EPYC: variants seen among roughly 807,000 people sequenced by gnomAD.
EPYC encodes epiphycan.
In EPYC, 28 loss-of-function variants were observed where a neutral mutation model predicts 30.1. The observed-to-expected ratio is 0.93, with a 90% CI of 0.69 to 1.28. The LOEUF (loss-of-function observed/expected upper bound fraction) is 1.28. EPYC is among the 50% of genes most tolerant of loss of function. The pLI is 0.00. For synonymous variants in EPYC, 144 were observed against 141.4 expected, an observed-to-expected ratio of 1.02 and a Z score of -0.13; for missense variants, 382 against 383.5, an observed-to-expected ratio of 1.00 and a Z score of 0.03.
At chr12:90,994,084 T>A (rs1159044004) in intron 2 of EPYC, among the ~76,000 whole-genome samples, 1 of 152,170 alleles carries the variant, frequency 6.6e-6, no homozygotes, top group African/African-American at 2.4e-5. Context: ...AAAATACTTA[T>A]AAGACTACTA....
intron 2 of EPYC, among the ~76,000 whole-genome samples, chr12:90,981,400 T>C (rs1877321959): frequency 6.6e-6 from 1 of 152,144 alleles, no homozygotes; most frequent in South Asian, 2.1e-4. Flanking sequence ...TTGTATCAGA[T>C]TGAACTGGGA....
At chr12:91,002,326 T>G in intron 2 of EPYC, 75 bp downstream of exon 2, 1 of 1,291,656 alleles carries the variant, frequency 7.7e-7, no homozygotes, top group South Asian at 1.5e-5. Flanking sequence ...CCCAAACATC[T>G]ATTTGAGGAA....
At chr12:90,966,809 A>C (rs1293045020) in intron 6 of EPYC, among the ~76,000 whole-genome samples, 1 of 152,124 alleles carries the variant, frequency 6.6e-6, no homozygotes, top group Non-Finnish European at 1.5e-5. Flanking sequence ...AAGTTAATAT[A>C]TTTGCTTATT....
intron 2 of EPYC, among the ~76,000 whole-genome samples, chr12:90,978,573 C>A (rs1877252308): frequency 6.7e-6 from 1 of 148,384 alleles, no homozygotes; most frequent in South Asian, 2.1e-4. Flanking sequence ...TTATTGTTTT[C>A]TAATAATAAG....
At chr12:90,970,497 T>C (rs1330902602) in intron 5 of EPYC, among the ~76,000 whole-genome samples, 1 of 152,198 alleles carries the variant, frequency 6.6e-6, no homozygotes, top group African/African-American at 2.4e-5. Flanking sequence ...TGATGAGGCA[T>C]AGCAAGCATT....
rs768251066 is a variant in EPYC, at chr12:90,964,132, C to T, written c.*24G>A. 13 of 1,595,560 alleles carry T rather than the reference C, an allele frequency of 8.1e-6. No homozygotes were observed. Among genetic ancestry groups the T allele is most frequent in the Non-Finnish European group, 1.1e-5 (13 of 1,166,906 alleles). ...AGAATGGTTTATTTATAGTAGCCAT[C>T]GTAATGCTAACCATTATCTGAAATT... On this transcript the variant is annotated 3_prime_UTR_variant, in exon 7 of 7. Transcript: ENST00000261172.
At chr12:90,966,483 C>T (rs913552265) in intron 6 of EPYC, among the ~76,000 whole-genome samples, 14 of 151,918 alleles carry the variant, frequency 9.2e-5, no homozygotes, top group Non-Finnish European at 1.2e-4. Flanking sequence ...TTTCTGCAAT[C>T]CCATTTGGTC....
chr12:91,001,300 T>C (rs1877817611), intron 2 of EPYC, among the ~76,000 whole-genome samples: 1 of 152,120 alleles, frequency 6.6e-6, no homozygotes, highest in African/African-American at 2.4e-5. Flanking sequence ...AATATACGAT[T>C]TCATCTAAAT....
intron 3 of EPYC, among the ~76,000 whole-genome samples, chr12:90,975,472 G>T (rs1271089659): frequency 1.3e-5 from 2 of 151,762 alleles, no homozygotes; most frequent in South Asian, 4.2e-4. Flanking sequence ...ATGAATGTGT[G>T]CCTCTTCTTT....
chr12:90,969,266 T>A (rs1410053738), intron 6 of EPYC, among the ~76,000 whole-genome samples: 1 of 151,914 alleles, frequency 6.6e-6, no homozygotes, highest in Admixed American at 6.6e-5. Flanking sequence ...ATGGGTGTTT[T>A]CTCTATATAT....
At chr12:90,988,104 C>A (rs1877496052) in intron 2 of EPYC, among the ~76,000 whole-genome samples, 1 of 151,992 alleles carries the variant, frequency 6.6e-6, no homozygotes, top group Non-Finnish European at 1.5e-5. Flanking sequence ...ATGAGGATAC[C>A]ATTGTTCCTA....
intron 2 of EPYC, among the ~76,000 whole-genome samples, chr12:90,989,206 A>T (rs1242403566): frequency 1.3e-5 from 2 of 152,122 alleles, no homozygotes; most frequent in African/African-American, 4.8e-5. Context: ...ATTAGAAAAA[A>T]TAAAAGCATA....
chr12:90,971,892 T>G lies in EPYC; in HGVS notation c.610A>C (p.Arg204=), dbSNP rs1395156282. The change falls in exon 5 of 7, where the codon AGG becomes CGG. Residue 204 remains arginine, a synonymous_variant. Transcript: ENST00000261172. ...GTGGTTGGCAATTCTGGGAGCTGCC[T>G]TATTTTGTTGTCACGCAGGACAAGC... ...RELVLRDNKI[R]QLPELPTTLT... The G allele has an allele frequency of 6.2e-7, 1 of 1,612,220 alleles. No homozygotes were observed. The highest frequency in any genetic ancestry group is 8.5e-7 in the Non-Finnish European group (1 of 1,179,232).
intron 2 of EPYC, among the ~76,000 whole-genome samples, chr12:91,000,197 T>C (rs1653185556): frequency 6.6e-6 from 1 of 152,046 alleles, no homozygotes; most frequent in Admixed American, 6.6e-5. Flanking sequence ...GATCCCTCAC[T>C]CACTGAGTAT....
At chr12:90,968,985 A>G (rs951924142) in intron 6 of EPYC, among the ~76,000 whole-genome samples, 7 of 151,406 alleles carry the variant, frequency 4.6e-5, no homozygotes, top group African/African-American at 1.7e-4. Flanking sequence ...CAGATATCCA[A>G]GACACAGACA....
At chr12:90,985,063 A>T (rs1032802960) in intron 2 of EPYC, among the ~76,000 whole-genome samples, 3 of 152,160 alleles carry the variant, frequency 2.0e-5, no homozygotes, top group African/African-American at 4.8e-5. Context: ...CTTTAGCTGC[A>T]GCCTGAGAGT....
In EPYC at chr12:90,988,695, T is replaced by C. The variant is rs368075575; in HGVS notation, c.166-10433A>G. Among the ~76,000 whole-genome samples the C allele has an allele frequency of 2.5e-4, 38 of 152,276 alleles. 1 individual carries two copies. The South Asian group carries it at 7.9e-3, about 32-fold the overall frequency. On this transcript the variant is annotated intron_variant, in intron 2 of 6. Transcript: ENST00000261172. ...TCTATATTATGGCAAGTCTTATTAG[T>C]AGCTGTAACAAACAAGTCCAAAATC...
intron 3 of EPYC, among the ~76,000 whole-genome samples, chr12:90,977,228 A>G (rs1211023495): frequency 6.6e-6 from 1 of 152,142 alleles, no homozygotes; most frequent in African/African-American, 2.4e-5. Context: ...CTCCCTAACT[A>G]TGCCATTCTC....
At chr12:90,970,231 C>A in intron 5 of EPYC, 92 bp from the exon 6 acceptor site, 1 of 878,736 alleles carries the variant, frequency 1.1e-6, no homozygotes, top group Admixed American at 2.1e-5. Flanking sequence ...ATTCCCTCTA[C>A]ATGCAGATAT....
Sources: allele counts gnomAD v4.1 joint callset (sites outside exome capture counted in the v4.1 genomes callset), GRCh38; gene constraint gnomAD v4.1.1; transcripts MANE v1.5; gene names NCBI Gene and HGNC (gene_info 2026-07-23, HGNC 2026-07-21).